Variants in PNPLA7 observed in about 807,000 individuals in gnomAD.
PNPLA7 encodes patatin-like phospholipase domain-containing protein 7.
Under a neutral mutation model 161.7 loss-of-function variants are expected in PNPLA7, and 153 were observed. That is an observed-to-expected ratio of 0.95 (90% CI 0.83 to 1.08). The LOEUF (loss-of-function observed/expected upper bound fraction) is 1.08, where lower values mean the gene tolerates loss of function less well. Among genes scored for constraint, PNPLA7 ranks in the 50% least tolerant of loss-of-function variants. PNPLA7 has a pLI of 0.00. For missense variants in PNPLA7, 1,739 were observed against 1,856.6 expected (o/e 0.94, Z 1.16); for synonymous variants, 809 against 782.1 (o/e 1.03, Z -0.57).
At chr9:137,504,731 G>A (rs1275767897) in intron 14 of PNPLA7, among the ~76,000 whole-genome samples, 1 of 152,208 alleles carries the variant, frequency 6.6e-6, no homozygotes, top group Non-Finnish European at 1.5e-5. Context: ...AGAGAGGAAT[G>A]ATGTGAACTT....
rs1351492403 is a variant in PNPLA7 at position 137,545,672 on chromosome 9, A to C, written c.273+1158T>G. On this transcript the variant is annotated intron_variant, in intron 4 of 34. Coordinates refer to ENST00000406427, the MANE Select transcript of PNPLA7 (RefSeq NM_001098537.3). ...AGCAATTACTCTTTATTCCAATATT[A>C]TAATAATCCTCACTCTATAATCATA... Among the ~76,000 whole-genome samples the C allele has an allele frequency of 1.9e-4, 29 of 152,392 alleles. No homozygotes were observed. In the East Asian group the frequency reaches 4.6e-3, roughly 24 times the overall value.
rs774577758 is a variant in PNPLA7 at position 137,478,169 on chromosome 9, C to G, written c.2764-17G>C. 2.3e-6 allele frequency: 3 copies of G among 1,282,794 alleles called. No individual in the cohort carries two copies. Among genetic ancestry groups the G allele is most frequent in the East Asian group, 6.3e-5 (2 of 31,836 alleles). 79.5% of individuals were successfully genotyped at this position (1,282,794 alleles called of 1,614,324 possible). ...CATCTCCACCTGGGGGAGGAGCCGT[C>G]AGGCAGGGCTGGTGCAGGGCCCCAC... On this transcript the variant is annotated splice_polypyrimidine_tract_variant and intron_variant, in intron 24 of 34. Coordinates refer to ENST00000406427, the MANE Select transcript of PNPLA7 (RefSeq NM_001098537.3).
chr9:137,543,535 G>A lies in PNPLA7; in HGVS notation c.403C>T (p.Pro135Ser). The change falls in exon 6 of 35, where the codon CCC becomes TCC. Residue 135 changes from proline (P) to serine (S), a missense_variant. Around this residue, in one of 6 missense-constraint regions of PNPLA7, gnomAD observed 209 missense variants for 252.8 expected, o/e 0.83. Coordinates refer to ENST00000406427, the MANE Select transcript of PNPLA7 (RefSeq NM_001098537.3). This position sits in a 1 kb window ranked among gnomAD's most constrained non-coding sequence, Gnocchi z 6.9. ...RFKKEYPALQ[P>S]KEPPPSLLEA... ...AGCAGGGAGGGCGGGGGCTCCTTGG[G>A]CTGCAGGGCCGGGTATTCCTTCTTG... 6.2e-7 allele frequency: 1 copy of A among 1,613,818 alleles called. No homozygotes were observed. The highest frequency in any genetic ancestry group is 8.5e-7 in the Non-Finnish European group (1 of 1,179,898).
intron 19 of PNPLA7, 68 bp from the exon 20 acceptor site, chr9:137,493,150 T>G: frequency 6.6e-7 from 1 of 1,515,292 alleles, no homozygotes; most frequent in Non-Finnish European, 9.2e-7. Context: ...CCAAAGACAG[T>G]GATGCTCAAC....
chr9:137,505,645 T>C lies in PNPLA7; in HGVS notation c.1442A>G (p.Lys481Arg), dbSNP rs1833874787. 3.7e-6 allele frequency: 6 copies of C among 1,613,966 alleles called. No individual in the cohort carries two copies. Among genetic ancestry groups the C allele is most frequent in the African/African-American group, 1.3e-5 (1 of 74,930 alleles). ...RKSDAIFRAAKKDLLTLMKLE... is the reference protein window; with the variant it reads ...RKSDAIFRAARKDLLTLMKLE... The stretch of plus-strand genomic sequence containing the variant: ...CTTCATCAGGGTGAGCAGGTCCTTC[T>C]TGGCAGCTCTGAAGATGGCATCCGA... The change falls in exon 14 of 35, where the codon AAG becomes AGG. Residue 481 changes from lysine to arginine, a missense_variant. By Grantham distance (26) the Lys-to-Arg change is conservative (BLOSUM62 2). This residue lies in a region of PNPLA7 where 481 missense variants were observed against 450.0 expected (regional missense o/e 1.07). Transcript: ENST00000406427.
intron 25 of PNPLA7, among the ~76,000 whole-genome samples, chr9:137,475,458 T>G (rs1246010572): frequency 6.6e-6 from 1 of 152,188 alleles, no homozygotes; most frequent in Non-Finnish European, 1.5e-5. Flanking sequence ...CACTGTAAGC[T>G]CCATCCCCCC....
intron 26 of PNPLA7, among the ~76,000 whole-genome samples, chr9:137,465,143 G>A (rs1197697668): frequency 6.6e-6 from 1 of 152,192 alleles, no homozygotes; most frequent in Non-Finnish European, 1.5e-5. Flanking sequence ...TGGAGTGTGG[G>A]CTGGACGTGC....
At chr9:137,550,080 C>G in intron 1 of PNPLA7, 88 bp downstream of exon 1, 1 of 1,537,078 alleles carries the variant, frequency 6.5e-7, no homozygotes, top group East Asian at 2.2e-5. Context: ...AAGAGCGCGG[C>G]AGAGCAGACG....
chr9:137,544,895 A>G (rs1424762923), intron 4 of PNPLA7, among the ~76,000 whole-genome samples: 3 of 152,046 alleles, frequency 2.0e-5, no homozygotes, highest in Non-Finnish European at 4.4e-5. Flanking sequence ...TGATCCGCCC[A>G]CCTCAGCCTC....
rs1425757224 is a variant in PNPLA7, at chr9:137,467,538, C to T, written c.2883-65G>A. Reference sequence around the variant, plus strand: ...GGCCCAGGCTGCGCCCTGCAGAGGCCTTGTGCTCATCCTCAGTTCCCAACT... The same window carrying T: ...GGCCCAGGCTGCGCCCTGCAGAGGCTTTGTGCTCATCCTCAGTTCCCAACT... On this transcript the variant is annotated intron_variant, in intron 25 of 34. Transcript: ENST00000406427. The surrounding 1 kb of genome is among the most constrained non-coding windows in gnomAD (Gnocchi z 5.1). 6.4e-7 allele frequency: 1 copy of T among 1,568,074 alleles called. No homozygotes were observed. Among genetic ancestry groups the T allele is most frequent in the African/African-American group, 1.4e-5 (1 of 74,030 alleles).
intron 7 of PNPLA7, 87 bp downstream of exon 7, chr9:137,542,555 C>G: frequency 7.3e-7 from 1 of 1,373,594 alleles, no homozygotes; most frequent in South Asian, 1.6e-5. Context: ...CCTAGCTTTT[C>G]AATGAGAAAC....
chr9:137,528,572 G>A (rs559083625), intron 8 of PNPLA7, among the ~76,000 whole-genome samples: 4 of 151,866 alleles, frequency 2.6e-5, no homozygotes, highest in Admixed American at 6.6e-5. Context: ...ATGAGCCACC[G>A]CGCCTGGCCG....
chr9:137,519,861 G>A lies in PNPLA7; in HGVS notation c.1084+56C>T. On this transcript the variant is annotated intron_variant, in intron 11 of 34. Coordinates refer to ENST00000406427, the MANE Select transcript of PNPLA7 (RefSeq NM_001098537.3). ...CCTGGGGTGACCTGAGGCAGTGGGA[G>A]CAGGATCCCCCGGACTCTGGGGCTG... is the stretch of plus-strand genomic sequence containing the variant. 4 of 1,568,512 alleles carry A rather than the reference G, an allele frequency of 2.6e-6. No individual in the cohort carries two copies. In the East Asian group the frequency reaches 9.0e-5, roughly 35 times the overall value.
chr9:137,544,976 G>A lies in PNPLA7; in HGVS notation c.274-1161C>T, dbSNP rs183894167. ...TTTTTCAATTTTCTATGAAGAACAC[G>A]AATTAGTTGTACAACCAGAAAAAGG... On this transcript the variant is annotated intron_variant, in intron 4 of 34. Transcript: ENST00000406427. 1.1e-3 allele frequency among the ~76,000 whole-genome samples: 164 copies of A among 152,168 alleles called. 1 individual carries two copies. The highest frequency in any genetic ancestry group is 6.6e-3 in the Admixed American group (101 of 15,278).
In PNPLA7 at chr9:137,502,712, C is replaced by CGGGGGACGGGGGGGACGG. The variant is rs1554767760; in HGVS notation, c.1474-986_1474-985insCCGTCCCCCCCGTCCCCC. Among the ~76,000 whole-genome samples, 15 of 8,198 alleles carry CGGGGGACGGGGGGGACGG rather than the reference C, an allele frequency of 1.8e-3. 2 individuals carry two copies. The highest frequency in any genetic ancestry group is 0.012 in the South Asian group (2 of 168). The allele number at this position is 8,198 out of a possible 152,430, so 5.4% of individuals were successfully genotyped here. A position where few individuals can be genotyped will look rare whatever the true frequency, so the allele number is the denominator to read the frequency against. On this transcript the variant is annotated intron_variant, in intron 14 of 34. Coordinates refer to ENST00000406427, the MANE Select transcript of PNPLA7 (RefSeq NM_001098537.3). The stretch of plus-strand genomic sequence containing the variant: ...GGGGACGGGGGGGACGCGGGGGACG[C>CGGGGGACGGGGGGGACGG]GGGGGACGCGGGGGACGGGGGGGAC...
chr9:137,480,538 A>C (rs912277540), intron 22 of PNPLA7, 58 bp from the exon 23 acceptor site: 6 of 1,537,668 alleles, frequency 3.9e-6, no homozygotes, highest in Non-Finnish European at 5.3e-6. Flanking sequence ...CTCTTAGCAC[A>C]TGTCCCCGGG....
At chr9:137,525,302 G>A (rs934552738) in intron 8 of PNPLA7, among the ~76,000 whole-genome samples, 10 of 152,294 alleles carry the variant, frequency 6.6e-5, no homozygotes, top group South Asian at 2.1e-4. Flanking sequence ...ATGAGAGATC[G>A]TAGAAATAAA....
In PNPLA7 at chr9:137,500,119, T is replaced by TA. The variant is rs1368331518; in HGVS notation, c.1757+571dup. Among the ~76,000 whole-genome samples, 2 of 152,054 alleles carry TA rather than the reference T, an allele frequency of 1.3e-5. No homozygotes were observed. The highest frequency in any genetic ancestry group is 2.9e-5 in the Non-Finnish European group (2 of 67,970). ...GCCTGGAGGGGCCAAATCTGAGACT[T>TA]ACGGGCTGGGGTCAAGTGGACAGAT... On this transcript the variant is annotated intron_variant, in intron 16 of 34. Transcript: ENST00000406427. This position sits in a 1 kb window ranked among gnomAD's most constrained non-coding sequence, Gnocchi z 5.5.
chr9:137,519,974 A>G lies in PNPLA7; in HGVS notation c.1027T>C (p.Tyr343His). The G allele has an allele frequency of 6.2e-7, 1 of 1,612,894 alleles. No individual in the cohort carries two copies. The highest frequency in any genetic ancestry group is 8.5e-7 in the Non-Finnish European group (1 of 1,179,890). ...AAGKAKKQVFYGEEERLKKPP... is the reference protein window; with the variant it reads ...AAGKAKKQVFHGEEERLKKPP... ...TTTTTAAGCCGCTCTTCTTCGCCAT[A>G]GAACACCTGCTTCTTGGCCTTCCCG... The change falls in exon 11 of 35, where the codon TAT becomes CAT. Residue 343 changes from tyrosine to histidine, a missense_variant. Tyr to His is a moderately conservative substitution (Grantham distance 83, BLOSUM62 2). Around this residue, in one of 6 missense-constraint regions of PNPLA7, gnomAD observed 152 missense variants for 193.5 expected, o/e 0.79. Transcript: ENST00000406427.
Sources: gnomAD v4.1 joint callset for allele counts (sites outside exome capture counted in the v4.1 genomes callset) on GRCh38, gnomAD v4.1.1 for gene constraint, gnomAD v4.1.1 regional missense constraint, Gnocchi (gnomAD v3.1) non-coding constraint, MANE v1.5 for transcripts, NCBI Gene and HGNC (gene_info 2026-07-23, HGNC 2026-07-21) for gene names.